Variants in HTT observed in about 807,000 individuals in gnomAD.
The protein encoded by HTT is huntington disease protein.
HTT carries 104 observed loss-of-function variants against 362.3 expected under a neutral mutation model. The observed-to-expected ratio is 0.29, with a 90% confidence interval of 0.24 to 0.34. HTT has a LOEUF of 0.34. HTT is among the 10% of genes least tolerant of loss of function. The pLI, the probability that HTT is intolerant of heterozygous loss-of-function variation, is 1.00. For missense variants in HTT, 3,301 were observed against 3,928.6 expected (o/e 0.84, Z 4.27); for synonymous variants, 1,577 against 1,548.7 (o/e 1.02, Z -0.43).
intron 26 of HTT, among the ~76,000 whole-genome samples, chr4:3,151,291 T>C (rs1716875538): frequency 6.6e-6 from 1 of 151,762 alleles, no homozygotes; most frequent in African/African-American, 2.4e-5. Context: ...CTTGCAGTCA[T>C]GGCAGAAGGT....
intron 29 of HTT, among the ~76,000 whole-genome samples, chr4:3,161,841 G>C (rs574615255): frequency 6.6e-6 from 1 of 152,278 alleles, no homozygotes; most frequent in African/African-American, 2.4e-5. Flanking sequence ...CAGATGGGTA[G>C]ATTGCAAAAA....
At chr4:3,229,302 C>CCACA (rs35275647) in intron 59 of HTT, among the ~76,000 whole-genome samples, 6 of 140,642 alleles carry the variant, frequency 4.3e-5, no homozygotes, top group African/African-American at 1.1e-4. Context: ...CATGCATGCA[C>CCACA]CACACACACA....
intron 29 of HTT, among the ~76,000 whole-genome samples, chr4:3,161,988 G>A (rs1278712358): frequency 6.6e-6 from 1 of 152,166 alleles, no homozygotes; most frequent in Non-Finnish European, 1.5e-5. Context: ...TAGACATGAA[G>A]TCTTTGCCTA....
intron 37 of HTT, among the ~76,000 whole-genome samples, chr4:3,184,961 A>T (rs1718696041): frequency 6.6e-6 from 1 of 152,116 alleles, no homozygotes. Context: ...CATTTTGTGC[A>T]GGAGGGCGAC....
intron 29 of HTT, among the ~76,000 whole-genome samples, chr4:3,166,230 A>G (rs766514149): frequency 2.6e-5 from 4 of 152,222 alleles, no homozygotes; most frequent in Non-Finnish European, 5.9e-5. Context: ...TTGCCTGGGC[A>G]TCACCAGCAG....
intron 27 of HTT, among the ~76,000 whole-genome samples, chr4:3,155,105 G>A (rs1024314213): frequency 6.6e-6 from 1 of 152,090 alleles, no homozygotes; most frequent in African/African-American, 2.4e-5. Flanking sequence ...TGTCTGTACA[G>A]TCTCCCTCCA....
intron 29 of HTT, among the ~76,000 whole-genome samples, chr4:3,167,563 G>A (rs754499724): frequency 3.3e-5 from 5 of 151,952 alleles, no homozygotes; most frequent in Non-Finnish European, 7.4e-5. Context: ...TTTCTTTTTT[G>A]TATGTGGGTT....
In HTT at chr4:3,215,216, G is replaced by A. The variant is rs1410916423; in HGVS notation, c.7054+5G>A. On this transcript the variant is annotated splice_donor_5th_base_variant and intron_variant, in intron 51 of 66. Transcript: ENST00000355072. ...AAGTAGATCCAAACACACAGAGTAA[G>A]TCTCAGGACCCATTTTTTTCTTACA... is the stretch of plus-strand genomic sequence containing the variant. The A allele has an allele frequency of 2.5e-6, 4 of 1,606,650 alleles. No individual in the cohort carries two copies. Among genetic ancestry groups the A allele is most frequent in the Non-Finnish European group, 3.4e-6 (4 of 1,174,062 alleles).
intron 53 of HTT, among the ~76,000 whole-genome samples, 180 bp from the exon 54 acceptor site, chr4:3,222,207 C>G (rs566152859): frequency 6.6e-6 from 1 of 152,188 alleles, no homozygotes; most frequent in Non-Finnish European, 1.5e-5. Context: ...TCGGTTTCCT[C>G]AATGATGAAA....
chr4:3,145,176 C>A lies in HTT; in HGVS notation c.3091C>A (p.Leu1031Ile). 6.2e-7 allele frequency: 1 copy of A among 1,613,842 alleles called. No individual in the cohort carries two copies. ...LTFGCCEALC[L>I]LSTAFPVCIW... ...GTTTGGATGCTGTGAAGCTTTGTGT[C>A]TTCTTTCCACTGCCTTCCCAGTTTG... Residue 1031 changes from leucine (L) to isoleucine (I), a missense_variant, in exon 24 of 67, where the codon CTT (leucine) becomes ATT (isoleucine). By Grantham distance (5) the Leu-to-Ile change is conservative (BLOSUM62 2). This residue lies in a region of HTT where 2,316 missense variants were observed against 2,658.5 expected (regional missense o/e 0.87). Coordinates refer to ENST00000355072, the MANE Select transcript of HTT (RefSeq NM_001388492.1).
intron 40 of HTT, among the ~76,000 whole-genome samples, chr4:3,198,242 T>C (rs1169605369): frequency 1.4e-5 from 2 of 142,618 alleles, no homozygotes; most frequent in African/African-American, 5.3e-5. Flanking sequence ...TTTTTTTTTT[T>C]TGAGATAGAG....
chr4:3,122,814 C>A, intron 9 of HTT, 75 bp from the exon 10 acceptor site: 1 of 1,181,678 alleles, frequency 8.5e-7, no homozygotes. Flanking sequence ...TTGAATCAAG[C>A]TGTTTGAAGA....
At position 3,235,697 on chromosome 4, in the gene HTT, C is replaced by T. The variant is rs544982357; in HGVS notation, c.8704C>T (p.Leu2902=). The T allele has an allele frequency of 6.2e-7, 1 of 1,613,426 alleles. No homozygotes were observed. The highest frequency in any genetic ancestry group is 1.3e-5 in the African/African-American group (1 of 75,068). The change falls in exon 63 of 67, where the codon CTG becomes TTG. Residue 2902 remains leucine (L), a synonymous_variant. Transcript: ENST00000355072. ...SRLDAESLVK[L]SVDRVNVHSP... Reference sequence around the variant, plus strand: ...CCTGGATGCAGAATCGCTGGTCAAGCTGAGTGTGGACAGAGTGAACGTGCA... The same window carrying T: ...CCTGGATGCAGAATCGCTGGTCAAGTTGAGTGTGGACAGAGTGAACGTGCA...
rs527890611 is a variant in HTT, at chr4:3,229,526, G to A, written c.8110-361G>A. Among the ~76,000 whole-genome samples, 793 of 133,398 alleles carry A rather than the reference G, an allele frequency of 5.9e-3. 6 individuals carry two copies. Among genetic ancestry groups the A allele is most frequent in the African/African-American group, 0.021 (738 of 34,864 alleles). 87.5% of individuals were successfully genotyped at this position (133,398 alleles called of 152,430 possible). A position where few individuals can be genotyped will look rare whatever the true frequency, so the allele number is the denominator to read the frequency against. On this transcript the variant is annotated intron_variant, in intron 59 of 66. Coordinates refer to ENST00000355072, the MANE Select transcript of HTT (RefSeq NM_001388492.1). ...GTGCACACACCCCACACACATGTACGCACCACACACATGCCACACACACAT... is the reference window on the plus strand; with the variant it reads ...GTGCACACACCCCACACACATGTACACACCACACACATGCCACACACACAT...
Position 3,074,927 on chromosome 4 carries a change from GCA to G in HTT, c.103_104del (p.Gln35AlafsTer47). The G allele has an allele frequency of 7.8e-7, 1 of 1,278,520 alleles. No individual in the cohort carries two copies. The highest frequency in any genetic ancestry group is 1.0e-6 in the Non-Finnish European group (1 of 974,900). The allele number at this position is 1,278,520 out of a possible 1,614,324, so 79.2% of individuals were successfully genotyped here. ...QQQQQQQQQQ[Q>X]QQQPPPPPPP... is the part of the protein sequence containing the mutation. Reference sequence around the variant, plus strand: ...AGCAGCAGCAGCAGCAGCAGCAGCAGCAGCAGCAACAGCCGCCACCGCCGCCG... The same window carrying G: ...AGCAGCAGCAGCAGCAGCAGCAGCAGGCAGCAACAGCCGCCACCGCCGCCG... On this transcript the variant is annotated frameshift_variant, in exon 1 of 67. Coordinates refer to ENST00000355072, the MANE Select transcript of HTT (RefSeq NM_001388492.1). LOFTEE classifies it high-confidence loss of function.
chr4:3,129,807 G>A lies in HTT; in HGVS notation c.1744-117G>A, dbSNP rs532450707. On this transcript the variant is annotated intron_variant, in intron 12 of 66. Coordinates refer to ENST00000355072, the MANE Select transcript of HTT (RefSeq NM_001388492.1). Reference sequence around the variant, plus strand: ...GTGCCTTGAAATAAATGACAGATGAGTACATTTGTGTTCTGTGTGTAAAAT... The same window carrying A: ...GTGCCTTGAAATAAATGACAGATGAATACATTTGTGTTCTGTGTGTAAAAT... 4.2e-6 allele frequency: 5 copies of A among 1,204,148 alleles called. No individual in the cohort carries two copies. In the African/African-American group the frequency reaches 7.5e-5, roughly 18 times the overall value. 74.6% of individuals were successfully genotyped at this position (1,204,148 alleles called of 1,614,324 possible). A position where few individuals can be genotyped will look rare whatever the true frequency, so the allele number is the denominator to read the frequency against.
At chr4:3,138,015 T>G (rs182145448) in intron 21 of HTT, among the ~76,000 whole-genome samples, 9 of 152,176 alleles carry the variant, frequency 5.9e-5, no homozygotes, top group African/African-American at 2.2e-4. Flanking sequence ...AGTGGATTTT[T>G]AAATAATTTT....
At chr4:3,139,378 A>C (rs1376144147) in intron 21 of HTT, among the ~76,000 whole-genome samples, 1 of 151,930 alleles carries the variant, frequency 6.6e-6, no homozygotes, top group Admixed American at 6.6e-5. Context: ...TTGTATCTTT[A>C]GTAGAGATGG....
At chr4:3,124,793 A>G (rs1715449257) in intron 10 of HTT, among the ~76,000 whole-genome samples, 1 of 152,136 alleles carries the variant, frequency 6.6e-6, no homozygotes, top group Non-Finnish European at 1.5e-5. Context: ...ATCTCACATC[A>G]TTGTAAGTTT....
Sources: gnomAD v4.1 joint callset for allele counts (sites outside exome capture counted in the v4.1 genomes callset) on GRCh38, gnomAD v4.1.1 for gene constraint, gnomAD v4.1.1 regional missense constraint, MANE v1.5 for transcripts, NCBI Gene and HGNC (gene_info 2026-07-23, HGNC 2026-07-21) for gene names.